The following COMMD7 variants were observed in gnomAD, a reference collection of about 807,000 sequenced individuals.
COMMD7 encodes the protein COMM domain containing 7.
COMMD7 carries 28 observed loss-of-function variants against 34.8 expected under a neutral mutation model. The observed-to-expected ratio is 0.80, with a 90% CI of 0.60 to 1.10. The LOEUF is 1.10. Among genes scored for constraint, COMMD7 ranks in the 50% least tolerant of loss-of-function variants. The pLI, the probability that COMMD7 is intolerant of heterozygous loss-of-function variation, is 0.00. For synonymous variants in COMMD7, 80 were observed against 86.4 expected (o/e 0.93, Z 0.41); for missense variants, 211 against 241.6 (o/e 0.87, Z 0.84).
intron 1 of COMMD7, among the ~76,000 whole-genome samples, chr20:32,729,340 T>C (rs1985706915): frequency 6.6e-6 from 1 of 151,842 alleles, no homozygotes; most frequent in South Asian, 2.1e-4. Flanking sequence ...GGATAATTTT[T>C]GTATTTTTAG....
chr20:32,705,377 T>TATATA (rs1491348866), intron 5 of COMMD7, among the ~76,000 whole-genome samples: 7 of 84,436 alleles, frequency 8.3e-5, no homozygotes, highest in African/African-American at 3.6e-4. Context: ...TATATATATA[T>TATATA]TTTTTTTTTT....
chr20:32,712,614 A>AAAG (rs970215763), intron 3 of COMMD7, among the ~76,000 whole-genome samples: 3 of 149,582 alleles, frequency 2.0e-5, no homozygotes, highest in African/African-American at 7.3e-5. Context: ...CAGACCTTTA[A>AAAG]AAAAAAAAAA....
At chr20:32,726,672 C>T (rs2145760574) in intron 3 of COMMD7, among the ~76,000 whole-genome samples, 1 of 152,272 alleles carries the variant, frequency 6.6e-6, no homozygotes, top group South Asian at 2.1e-4. Context: ...CATTGCACTC[C>T]AGCCTGGGCA....
At chr20:32,732,162 A>C (rs1601001119) in intron 1 of COMMD7, among the ~76,000 whole-genome samples, 1 of 152,124 alleles carries the variant, frequency 6.6e-6, no homozygotes, top group South Asian at 2.1e-4. Context: ...GGCTCGCTGG[A>C]GCCTCCAACC....
intron 3 of COMMD7, among the ~76,000 whole-genome samples, chr20:32,725,719 C>T (rs1446736883): frequency 1.3e-5 from 2 of 152,050 alleles, no homozygotes; most frequent in African/African-American, 4.8e-5. Context: ...TGAGCCACCA[C>T]ACCTGGCCGC....
chr20:32,727,602 G>A (rs1985589721), intron 3 of COMMD7, among the ~76,000 whole-genome samples: 1 of 151,148 alleles, frequency 6.6e-6, no homozygotes, highest in Non-Finnish European at 1.5e-5. Flanking sequence ...GGTTCCAAAT[G>A]CTTATTCTCA....
chr20:32,705,464 C>T (rs553956230), intron 5 of COMMD7, among the ~76,000 whole-genome samples: 79 of 151,604 alleles, frequency 5.2e-4, no homozygotes, highest in Non-Finnish European at 9.4e-4. Flanking sequence ...AGCTCCACCT[C>T]CTGGGTTCAC....
At chr20:32,719,103 T>A (rs1319056218) in intron 3 of COMMD7, among the ~76,000 whole-genome samples, 1 of 152,042 alleles carries the variant, frequency 6.6e-6, no homozygotes, top group Non-Finnish European at 1.5e-5. Flanking sequence ...ACGTTGCAGA[T>A]TAGATTAGGA....
In COMMD7 at chr20:32,727,920, C is replaced by A; in HGVS notation, c.214G>T (p.Val72Leu). 1 of 1,613,980 alleles carries A rather than the reference C, an allele frequency of 6.2e-7. No homozygotes were observed. The highest frequency in any genetic ancestry group is 8.5e-7 in the Non-Finnish European group (1 of 1,179,894). The change falls in exon 3 of 9, where the codon GTG (valine) becomes TTG (leucine). Residue 72 changes from valine (V) to leucine (L), a missense_variant. By Grantham distance (32) the Val-to-Leu change is conservative. Transcript: ENST00000278980. ...TTTGGAACCAGAAGGAGGCTTTTCA[C>A]GATGCTTCTGAGGGAGCCAAGACTG... ...QISLGSLRSI[V>L]KSLLLVPNGA...
rs1192343635 is a variant in COMMD7, at chr20:32,723,045, A to AAT, written c.241+4847_241+4848insAT. ...AAAATAAATAAATAAATAAATAAAT[A>AAT]AATAATAATAATAATAATAAAGACT... On this transcript the variant is annotated intron_variant, in intron 3 of 8. Transcript: ENST00000278980. 1.9e-3 allele frequency among the ~76,000 whole-genome samples: 76 copies of AAT among 40,404 alleles called. 2 individuals carry two copies. Among genetic ancestry groups the AAT allele is most frequent in the African/African-American group, 5.5e-3 (64 of 11,712 alleles). The allele number at this position is 40,404 out of a possible 152,430, so 26.5% of individuals were successfully genotyped here.
chr20:32,704,949 TCC>T (rs755380919), intron 5 of COMMD7, 45 bp from the exon 6 acceptor site: 7 of 1,346,208 alleles, frequency 5.2e-6, no homozygotes, highest in Non-Finnish European at 6.4e-6. Flanking sequence ...TAGGAAAATC[TCC>T]CCCTCTCCAT....
At chr20:32,740,316 CAA>C (rs56389684) in intron 1 of COMMD7, among the ~76,000 whole-genome samples, 6 of 144,904 alleles carry the variant, frequency 4.1e-5, no homozygotes, top group Non-Finnish European at 4.5e-5. Flanking sequence ...GACACTGTCT[CAA>C]AAAAAAAAAG....
chr20:32,737,347 G>A (rs563780268), intron 1 of COMMD7, among the ~76,000 whole-genome samples: 1 of 111,408 alleles, frequency 9.0e-6, no homozygotes, highest in African/African-American at 3.4e-5. Flanking sequence ...TCCAGCCTGG[G>A]CAACAGAGCA....
intron 3 of COMMD7, among the ~76,000 whole-genome samples, chr20:32,727,578 A>T (rs1985588591): frequency 6.6e-6 from 1 of 151,238 alleles, no homozygotes; most frequent in African/African-American, 2.4e-5. Context: ...GGACATTGTC[A>T]AATTGCTATA....
At chr20:32,722,138 G>C (rs369202524) in intron 3 of COMMD7, among the ~76,000 whole-genome samples, 81 of 151,584 alleles carry the variant, frequency 5.3e-4, no homozygotes, top group Non-Finnish European at 9.7e-4. Flanking sequence ...CCAGCTACTC[G>C]GGAGGCTGAG....
chr20:32,716,109 G>A (rs1453537675), intron 3 of COMMD7, among the ~76,000 whole-genome samples: 1 of 152,136 alleles, frequency 6.6e-6, no homozygotes, highest in African/African-American at 2.4e-5. Context: ...CAGCAGCCAC[G>A]TGCTGGACTG....
intron 3 of COMMD7, among the ~76,000 whole-genome samples, chr20:32,727,006 G>C (rs1172922251): frequency 6.6e-6 from 1 of 152,040 alleles, no homozygotes; most frequent in African/African-American, 2.4e-5. Context: ...CAAGGCAGGA[G>C]GACAGCTTGA....
At chr20:32,733,348 A>C (rs1985949550) in intron 1 of COMMD7, among the ~76,000 whole-genome samples, 1 of 152,134 alleles carries the variant, frequency 6.6e-6, no homozygotes, top group South Asian at 2.1e-4. Context: ...TGGGAGGTTG[A>C]GGCGGGGGGA....
intron 1 of COMMD7, among the ~76,000 whole-genome samples, chr20:32,740,429 T>C (rs570340935): frequency 2.6e-5 from 4 of 152,166 alleles, no homozygotes; most frequent in Non-Finnish European, 4.4e-5. Flanking sequence ...TGTATATGGG[T>C]AAGATATTGA....
Sources: allele counts gnomAD v4.1 joint callset (sites outside exome capture counted in the v4.1 genomes callset), GRCh38; gene constraint gnomAD v4.1.1; transcripts MANE v1.5; gene names NCBI Gene and HGNC (gene_info 2026-07-23, HGNC 2026-07-21).